The following GALNT9 variants were observed in gnomAD, a reference collection of about 807,000 sequenced individuals.
GALNT9 encodes the protein polypeptide N-acetylgalactosaminyltransferase 9, also known as GalNAc transferase 9.
In GALNT9, 47 loss-of-function variants were observed where a neutral mutation model predicts 63.1. The ratio of observed to expected loss-of-function variants is 0.75; its 90% confidence interval spans 0.59 to 0.95. The LOEUF is 0.95. Among genes scored for constraint, GALNT9 ranks in the 40% least tolerant of loss-of-function variants. The probability of loss-of-function intolerance (pLI) is 0.00; values close to 1 mark genes in which losing one functional copy is unlikely to be tolerated. For missense variants in GALNT9, 829 were observed against 874.8 expected, an observed-to-expected ratio of 0.95 and a Z score of 0.66; for synonymous variants, 396 against 365.7, an observed-to-expected ratio of 1.08 and a Z score of -0.94.
intron 2 of GALNT9, chr12:132,276,660 G>A (rs188191596): frequency 6.5e-6 from 1 of 153,662 alleles, no homozygotes; most frequent in Non-Finnish European, 1.5e-5. Flanking sequence ...TCTCGGATAA[G>A]GTCATTCATT....
intron 6 of GALNT9, among the ~76,000 whole-genome samples, chr12:132,204,021 C>G (rs1876441818): frequency 6.6e-6 from 1 of 152,042 alleles, no homozygotes; most frequent in African/African-American, 2.4e-5. Context: ...AGTGCTTGTT[C>G]TGTGCAGGGA....
intron 1 of GALNT9, among the ~76,000 whole-genome samples, chr12:132,328,615 G>A (rs1446204713): frequency 6.6e-6 from 1 of 152,088 alleles, no homozygotes; most frequent in African/African-American, 2.4e-5. Flanking sequence ...CTCCTGGAGC[G>A]CCAAGCCAGC....
chr12:132,230,681 G>A (rs1877856945), intron 6 of GALNT9, among the ~76,000 whole-genome samples: 1 of 152,272 alleles, frequency 6.6e-6, no homozygotes, highest in Non-Finnish European at 1.5e-5. Flanking sequence ...TCAGAAGGGT[G>A]AGGCCCGGTC....
At position 132,286,656 on chromosome 12, in the gene GALNT9, G is replaced by T. The variant is rs1880606404; in HGVS notation, c.239-226C>A. On this transcript the variant is annotated intron_variant, in intron 1 of 10. Coordinates refer to ENST00000328957, the MANE Select transcript of GALNT9 (RefSeq NM_001122636.2). This position sits in a 1 kb window ranked among gnomAD's most constrained non-coding sequence, Gnocchi z 7.4. ...CGGAAGAGGGAGGGATGAATGGGTG[G>T]TACATGAGGCGTTGAAGGCAGTGGA... is the stretch of plus-strand genomic sequence containing the variant. Among the ~76,000 whole-genome samples the T allele has an allele frequency of 6.6e-6, 1 of 152,200 alleles. No individual in the cohort carries two copies. Among genetic ancestry groups the T allele is most frequent in the Non-Finnish European group, 1.5e-5 (1 of 68,022 alleles).
intron 6 of GALNT9, chr12:132,205,670 C>T (rs1876642440): frequency 6.6e-6 from 1 of 152,336 alleles, no homozygotes; most frequent in Non-Finnish European, 1.5e-5. Context: ...ATCAGGTTCA[C>T]ATCGTGGCAG....
chr12:132,230,857 C>T (rs1317851957), intron 6 of GALNT9, among the ~76,000 whole-genome samples: 4 of 152,226 alleles, frequency 2.6e-5, no homozygotes, highest in Non-Finnish European at 5.9e-5. Flanking sequence ...AGGCAGACCA[C>T]ACCGCAGGCC....
At chr12:132,268,040 C>A (rs782202110) in intron 2 of GALNT9, among the ~76,000 whole-genome samples, 3 of 150,944 alleles carry the variant, frequency 2.0e-5, no homozygotes, top group Admixed American at 6.6e-5. Context: ...AACACACATG[C>A]ACACAAACCC....
At position 132,201,020 on chromosome 12, in the gene GALNT9, CCG is replaced by C. The variant is rs939270340; in HGVS notation, c.1401+102_1401+103del. 76 of 1,154,142 alleles carry C rather than the reference CCG, an allele frequency of 6.6e-5. No individual in the cohort carries two copies. In the African/African-American group the frequency reaches 1.1e-3, roughly 17 times the overall value. 71.5% of individuals were successfully genotyped at this position (1,154,142 alleles called of 1,614,324 possible). A position where few individuals can be genotyped will look rare whatever the true frequency, so the allele number is the denominator to read the frequency against. On this transcript the variant is annotated intron_variant, in intron 8 of 10. Transcript: ENST00000328957. Reference sequence around the variant, plus strand: ...ACCCTCTGGGGGAGGCGCTACCTCTCCGTGTGCATGTGGATGTGCCTGCATCA... The same window carrying C: ...ACCCTCTGGGGGAGGCGCTACCTCTCTGTGCATGTGGATGTGCCTGCATCA...
chr12:132,225,614 T>C (rs1435942587), intron 6 of GALNT9, among the ~76,000 whole-genome samples: 1 of 105,862 alleles, frequency 9.4e-6, no homozygotes, highest in African/African-American at 3.8e-5. Flanking sequence ...ACCCCACACA[T>C]GCACATCACA....
Position 132,257,848 on chromosome 12 carries a change from C to G in GALNT9, c.800G>C (p.Arg267Pro), listed in dbSNP as rs556119200. The change falls in exon 5 of 11, where the codon CGT (arginine) becomes CCT (proline). Residue 267 changes from arginine to proline, a missense_variant. By Grantham distance (103) the Arg-to-Pro change is moderately radical (BLOSUM62 -2). Coordinates refer to ENST00000328957, the MANE Select transcript of GALNT9 (RefSeq NM_001122636.2). ...PALSRIREDRRRIVLPAIDNI... is the reference protein window; with the variant it reads ...PALSRIREDRPRIVLPAIDNI... ...GTCGATGGCTGGCAGCACGATGCGA[C>G]GCCGGTCCTCTCGGATCCGCGACAG... 1 of 1,548,914 alleles carries G rather than the reference C, an allele frequency of 6.5e-7. No homozygotes were observed. The highest frequency in any genetic ancestry group is 2.0e-5 in the Admixed American group (1 of 50,990).
intron 1 of GALNT9, among the ~76,000 whole-genome samples, chr12:132,300,660 A>G (rs939446652): frequency 6.7e-5 from 10 of 148,294 alleles, no homozygotes; most frequent in South Asian, 2.1e-4. Flanking sequence ...CCCACCCCTG[A>G]GATGACCAAG....
rs540867992 is a variant in GALNT9 at position 132,265,967 on chromosome 12, G to A, written c.420-3342C>T. Among the ~76,000 whole-genome samples, 39 of 150,106 alleles carry A rather than the reference G, an allele frequency of 2.6e-4. No homozygotes were observed. Among genetic ancestry groups the A allele is most frequent in the South Asian group, 6.3e-4 (3 of 4,756 alleles). On this transcript the variant is annotated intron_variant, in intron 2 of 10. Transcript: ENST00000328957. This position sits in a 1 kb window ranked among gnomAD's most constrained non-coding sequence, Gnocchi z 5.3. ...CTGCCTTTACACGCCCGACCTCGCC[G>A]TATTTCATGAACAGGCACGCACAGC...
In GALNT9 at chr12:132,296,353, T is replaced by C. The variant is rs61945661; in HGVS notation, c.239-9923A>G. On this transcript the variant is annotated intron_variant, in intron 1 of 10. Transcript: ENST00000328957. This position sits in a 1 kb window ranked among gnomAD's most constrained non-coding sequence, Gnocchi z 4.2. Reference sequence around the variant, plus strand: ...CTGTCTGGGATCCAAGAGCAGGAGATGCCCACGCTCACCACCCCATCCACT... The same window carrying C: ...CTGTCTGGGATCCAAGAGCAGGAGACGCCCACGCTCACCACCCCATCCACT... Among the ~76,000 whole-genome samples, 16,977 of 152,298 alleles carry C rather than the reference T, an allele frequency of 0.11. 1,002 individuals are homozygous for C. Among genetic ancestry groups the C allele is most frequent in the Middle Eastern group, 0.18 (53 of 294 alleles).
intron 1 of GALNT9, among the ~76,000 whole-genome samples, chr12:132,313,787 C>A (rs1430672113): frequency 7.0e-6 from 1 of 143,504 alleles, no homozygotes; most frequent in African/African-American, 2.6e-5. Context: ...TCCATACATC[C>A]ACCCATCCAC....
chr12:132,227,843 T>C (rs916707309), intron 6 of GALNT9, among the ~76,000 whole-genome samples: 24 of 152,166 alleles, frequency 1.6e-4, no homozygotes, highest in African/African-American at 5.5e-4. Context: ...AGACCCCTCG[T>C]GCTCAGCGGG....
chr12:132,213,550 C>T (rs1468662182), intron 6 of GALNT9, among the ~76,000 whole-genome samples: 1 of 151,940 alleles, frequency 6.6e-6, no homozygotes, highest in African/African-American at 2.4e-5. Flanking sequence ...TACAGGCGCA[C>T]TCACACAGTC....
In GALNT9 at chr12:132,252,261, C is replaced by A. The variant is rs919916080; in HGVS notation, c.960-4234G>T. 6.6e-6 allele frequency among the ~76,000 whole-genome samples: 1 copy of A among 152,182 alleles called. No homozygotes were observed. The highest frequency in any genetic ancestry group is 1.5e-5 in the Non-Finnish European group (1 of 68,026). On this transcript the variant is annotated intron_variant, in intron 5 of 10. Coordinates refer to ENST00000328957, the MANE Select transcript of GALNT9 (RefSeq NM_001122636.2). This position sits in a 1 kb window ranked among gnomAD's most constrained non-coding sequence, Gnocchi z 5.2. ...AAGATGAGCCACAGGCGGCTGTGAA[C>A]GCAGGAAGGGCAGAGAGTCCCAGGC...
chr12:132,284,227 A>G (rs1216254337), intron 2 of GALNT9: 2 of 150,026 alleles, frequency 1.3e-5, no homozygotes, highest in Non-Finnish European at 3.0e-5. Context: ...ACTCCTGTGC[A>G]CACATGCACA....
At chr12:132,304,387 A>G (rs1467430486) in intron 1 of GALNT9, among the ~76,000 whole-genome samples, 4 of 97,992 alleles carry the variant, frequency 4.1e-5, no homozygotes, top group Admixed American at 1.0e-4. Flanking sequence ...GCACACCCTC[A>G]CCGGGGCACA....
Sources: gnomAD v4.1 joint callset for allele counts (sites outside exome capture counted in the v4.1 genomes callset) on GRCh38, gnomAD v4.1.1 for gene constraint, Gnocchi (gnomAD v3.1) non-coding constraint, MANE v1.5 for transcripts, NCBI Gene and HGNC (gene_info 2026-07-23, HGNC 2026-07-21) for gene names.